Variants in ATP11A observed in about 807,000 individuals in gnomAD.
The protein encoded by ATP11A is phospholipid-transporting ATPase IH.
Under a neutral mutation model 154.4 loss-of-function variants are expected in ATP11A, and 81 were observed. The observed-to-expected ratio is 0.52, with a 90% confidence interval of 0.44 to 0.63. The LOEUF (loss-of-function observed/expected upper bound fraction) is 0.63, where lower values mean the gene tolerates loss of function less well. Among genes scored for constraint, ATP11A ranks in the 30% least tolerant of loss-of-function variants. The probability of loss-of-function intolerance (pLI) is 0.00; values close to 1 mark genes in which losing one functional copy is unlikely to be tolerated. For synonymous variants in ATP11A, 623 were observed against 585.9 expected (o/e 1.06, Z -0.91); for missense variants, 1,316 against 1,474.3 (o/e 0.89, Z 1.76).
intron 14 of ATP11A, among the ~76,000 whole-genome samples, chr13:112,833,970 G>A (rs2079164623): frequency 6.6e-6 from 1 of 152,198 alleles, no homozygotes; most frequent in African/African-American, 2.4e-5. Flanking sequence ...CTGGTGCCGC[G>A]AAGCACGTCT....
chr13:112,794,754 G>C (rs1566492838), intron 2 of ATP11A, among the ~76,000 whole-genome samples: 1 of 152,124 alleles, frequency 6.6e-6, no homozygotes, highest in Admixed American at 6.5e-5. Flanking sequence ...TGTATTTCTA[G>C]CTACTCGGGA....
At chr13:112,802,103 G>A (rs913113592) in intron 2 of ATP11A, among the ~76,000 whole-genome samples, 24 of 152,142 alleles carry the variant, frequency 1.6e-4, no homozygotes, top group African/African-American at 5.8e-4. Flanking sequence ...CCAGCACTTT[G>A]GGAGGCCGAG....
intron 25 of ATP11A, among the ~76,000 whole-genome samples, chr13:112,865,504 G>C (rs2140387147): frequency 6.6e-6 from 1 of 152,246 alleles, no homozygotes; most frequent in East Asian, 1.9e-4. Flanking sequence ...TTACCTGAGT[G>C]CTCAGTGTTG....
chr13:112,873,009 C>T (rs111767922), intron 26 of ATP11A, among the ~76,000 whole-genome samples: 141 of 4,714 alleles, frequency 0.03, no homozygotes, highest in Middle Eastern at 0.12. Flanking sequence ...TCTTCCTGAG[C>T]GGTGTGAGGT....
chr13:112,782,419 T>C (rs567732411), intron 1 of ATP11A, among the ~76,000 whole-genome samples: 14 of 151,624 alleles, frequency 9.2e-5, no homozygotes, highest in South Asian at 2.1e-4. Flanking sequence ...TTAAAAGATA[T>C]CTGTATGCTT....
intron 1 of ATP11A, among the ~76,000 whole-genome samples, chr13:112,739,667 A>G (rs1184429377): frequency 6.6e-6 from 1 of 152,262 alleles, no homozygotes; most frequent in African/African-American, 2.4e-5. Context: ...AAACTTTCAC[A>G]CAGATGTTCT....
chr13:112,842,319 C>T lies in ATP11A; in HGVS notation c.1749C>T (p.Phe583=). 6.2e-7 allele frequency: 1 copy of T among 1,611,776 alleles called. No individual in the cohort carries two copies. The stretch of plus-strand genomic sequence containing the variant: ...GCAAAGGAGCAGATTCTTCGATATT[C>T]CCCCGAGTGATAGAAGGCAAAGTTG... ...LFCKGADSSI[F]PRVIEGKVDQ... is the part of the protein sequence containing the mutation. The change falls in exon 17 of 30, where the codon TTC becomes TTT. Residue 583 remains phenylalanine (F), a synonymous_variant. Transcript: ENST00000375645.
At chr13:112,755,412 A>G (rs531955708) in intron 1 of ATP11A, among the ~76,000 whole-genome samples, 18 of 152,272 alleles carry the variant, frequency 1.2e-4, no homozygotes, top group African/African-American at 4.3e-4. Flanking sequence ...CCCTTGTAGC[A>G]GTCACCCACA....
intron 2 of ATP11A, among the ~76,000 whole-genome samples, chr13:112,797,452 T>A (rs2078031871): frequency 6.6e-6 from 1 of 152,052 alleles, no homozygotes; most frequent in African/African-American, 2.4e-5. Flanking sequence ...ATAAATTTTT[T>A]AAAAAGGGTA....
At chr13:112,783,902 G>A (rs2077559736) in intron 1 of ATP11A, among the ~76,000 whole-genome samples, 1 of 152,202 alleles carries the variant, frequency 6.6e-6, no homozygotes, top group African/African-American at 2.4e-5. Flanking sequence ...GTAATACAGA[G>A]ATGGTCAGGC....
At chr13:112,692,845 C>T (rs576706272) in intron 1 of ATP11A, among the ~76,000 whole-genome samples, 1 of 152,286 alleles carries the variant, frequency 6.6e-6, no homozygotes, top group East Asian at 1.9e-4. Flanking sequence ...TTATCGTCCA[C>T]TATGTAGGAC....
chr13:112,764,536 C>A (rs923010377), intron 1 of ATP11A, among the ~76,000 whole-genome samples: 1 of 152,208 alleles, frequency 6.6e-6, no homozygotes, highest in Non-Finnish European at 1.5e-5. Flanking sequence ...GCTGGGCCCC[C>A]ACCCTGCCTC....
At chr13:112,851,345 C>T in intron 18 of ATP11A, 127 bp downstream of exon 18, 1 of 845,544 alleles carries the variant, frequency 1.2e-6, no homozygotes, top group South Asian at 1.7e-5. Flanking sequence ...GTTTGCTGCT[C>T]AGGGAGAGGC....
At chr13:112,698,914 G>C (rs1306982468) in intron 1 of ATP11A, among the ~76,000 whole-genome samples, 2 of 152,062 alleles carry the variant, frequency 1.3e-5, no homozygotes, top group Non-Finnish European at 2.9e-5. Flanking sequence ...TTTTAGTAGA[G>C]ACAGGGTTTT....
intron 20 of ATP11A, chr13:112,856,871 T>G (rs566107766): frequency 5.3e-5 from 8 of 152,344 alleles, no homozygotes; most frequent in Non-Finnish European, 1.0e-4. Context: ...AAGTTGAGCC[T>G]TTGTGCATGT....
intron 4 of ATP11A, among the ~76,000 whole-genome samples, chr13:112,809,502 C>T (rs1054011903): frequency 2.0e-5 from 3 of 152,128 alleles, no homozygotes; most frequent in African/African-American, 7.2e-5. Context: ...CTACCTGCAG[C>T]GGGCCCGTGG....
At chr13:112,733,484 CAT>C (rs1890696082) in intron 1 of ATP11A, among the ~76,000 whole-genome samples, 2 of 152,198 alleles carry the variant, frequency 1.3e-5, no homozygotes, top group South Asian at 4.1e-4. Flanking sequence ...ACACCTTTGA[CAT>C]ATTTTCATTT....
intron 1 of ATP11A, among the ~76,000 whole-genome samples, chr13:112,712,726 G>T (rs540531719): frequency 6.6e-6 from 1 of 152,316 alleles, no homozygotes; most frequent in African/African-American, 2.4e-5. Context: ...AGTCGGTGAG[G>T]TGAGGGCCAG....
chr13:112,811,383 GCCAGGATTGGTGGAATTTCATCCCACA>G (rs987909707), intron 5 of ATP11A, among the ~76,000 whole-genome samples: 58 of 151,216 alleles, frequency 3.8e-4, no homozygotes, highest in Non-Finnish European at 7.5e-4. Context: ...AGCATCCCAC[GCCAGGATTGGTGGAATTTCATCCCACA>G]CCAGGATTGG....
Sources: gnomAD v4.1 joint callset for allele counts (sites outside exome capture counted in the v4.1 genomes callset) on GRCh38, gnomAD v4.1.1 for gene constraint, MANE v1.5 for transcripts, NCBI Gene and HGNC (gene_info 2026-07-23, HGNC 2026-07-21) for gene names.